HEXD: variants seen among roughly 807,000 people sequenced by gnomAD.
HEXD encodes hexosaminidase D.
A neutral mutation model predicts 54.2 loss-of-function variants in HEXD; 47 were observed. The ratio of observed to expected loss-of-function variants is 0.87; its 90% CI spans 0.69 to 1.11. The LOEUF is 1.11. Ranked by LOEUF, HEXD falls within the 50% of genes least tolerant of loss-of-function variation. The pLI, the probability that HEXD is intolerant of heterozygous loss-of-function variation, is 0.00. For missense variants in HEXD, 576 were observed against 649.2 expected, an observed-to-expected ratio of 0.89 and a Z score of 1.23; for synonymous variants, 293 against 287.6, an observed-to-expected ratio of 1.02 and a Z score of -0.19.
At chr17:82,441,745 CGCCCCACGGCT>C in intron 11 of HEXD, 44 bp from the exon 12 acceptor site, 1 of 1,356,210 alleles carries the variant, frequency 7.4e-7, no homozygotes, top group Non-Finnish European at 1.1e-6. Context: ...ACTGCAAAGC[CGCCCCACGGCT>C]GCCTTGGTAG....
At chr17:82,441,682 G>A in intron 11 of HEXD, 118 bp from the exon 12 acceptor site, 3 of 832,012 alleles carry the variant, frequency 3.6e-6, no homozygotes, top group East Asian at 2.4e-5. Flanking sequence ...AAGACTTTCT[G>A]GGGGACATAA....
rs780357570 is a variant in HEXD at position 82,441,897 on chromosome 17, C to T, written c.1253+8C>T. On this transcript the variant is annotated splice_region_variant and intron_variant, in intron 12 of 12. Transcript: ENST00000327949. ...CCAGCCCGCAGCGCTCAGGTGAGGCCCTGGGCTCTTATAGGCCGTGCAGCC... is the reference window on the plus strand; with the variant it reads ...CCAGCCCGCAGCGCTCAGGTGAGGCTCTGGGCTCTTATAGGCCGTGCAGCC... The T allele has an allele frequency of 6.2e-7, 1 of 1,612,422 alleles. No individual in the cohort carries two copies. Among genetic ancestry groups the T allele is most frequent in the Non-Finnish European group, 8.5e-7 (1 of 1,179,542 alleles).
intron 5 of HEXD, among the ~76,000 whole-genome samples, chr17:82,435,396 G>A (rs536094265): frequency 6.6e-6 from 1 of 152,214 alleles, no homozygotes. Flanking sequence ...TGTTCATGGT[G>A]GGGGATGCTG....
chr17:82,428,338 A>G (rs1253676705), intron 3 of HEXD, among the ~76,000 whole-genome samples: 1 of 152,116 alleles, frequency 6.6e-6, no homozygotes, highest in Non-Finnish European at 1.5e-5. Flanking sequence ...GTGGGTTGAA[A>G]AGCGAACCAT....
chr17:82,428,525 A>T, intron 3 of HEXD, 33 bp from the exon 4 acceptor site: 1 of 1,585,506 alleles, frequency 6.3e-7, no homozygotes, highest in Non-Finnish European at 8.7e-7. Context: ...TGCTGCTCAC[A>T]TGACCCTCTC....
At chr17:82,424,538 G>C (rs1436163742) in intron 3 of HEXD, 35 bp downstream of exon 3, 1 of 1,481,960 alleles carries the variant, frequency 6.7e-7, no homozygotes, top group South Asian at 1.1e-5. Flanking sequence ...GGGGCGCGGC[G>C]TGAAAGCGGG....
rs2054001748 is a variant in HEXD at position 82,442,111 on chromosome 17, T to C, written c.1254-66T>C. 1.3e-6 allele frequency: 2 copies of C among 1,546,294 alleles called. No homozygotes were observed. Among genetic ancestry groups the C allele is most frequent in the African/African-American group, 2.7e-5 (2 of 74,028 alleles). ...GGTGAACTGAGGCACAGGGCAGTAC[T>C]GACCATGGGGCTGAGGGCAAGTCCC... On this transcript the variant is annotated intron_variant, in intron 12 of 12. Transcript: ENST00000327949. The surrounding 1 kb of genome is among the most constrained non-coding windows in gnomAD (Gnocchi z 6.8).
Position 82,435,688 on chromosome 17 carries a change from G to A in HEXD, c.448-1G>A, listed in dbSNP as rs1267200447. On this transcript the variant is annotated splice_acceptor_variant, in intron 5 of 12. Coordinates refer to ENST00000327949, the MANE Select transcript of HEXD (RefSeq NM_001330542.2). LOFTEE classifies it high-confidence loss of function. ...AACCCCGTCCTGCTCCTTCCTTGCA[G>A]GTCTATTACCTCGGAGAGGGGGAGG... 18 of 1,610,710 alleles carry A rather than the reference G, an allele frequency of 1.1e-5. No homozygotes were observed. Among genetic ancestry groups the A allele is most frequent in the Non-Finnish European group, 1.5e-5 (18 of 1,178,182 alleles).
At chr17:82,438,574 G>A (rs192367637) in intron 8 of HEXD, among the ~76,000 whole-genome samples, 22 of 152,326 alleles carry the variant, frequency 1.4e-4, no homozygotes, top group African/African-American at 2.2e-4. Context: ...ACCCCTGGTC[G>A]CCGGCCAAGT....
chr17:82,435,556 A>C, intron 5 of HEXD, 133 bp from the exon 6 acceptor site: 1 of 805,336 alleles, frequency 1.2e-6, no homozygotes, highest in Non-Finnish European at 2.0e-6. Flanking sequence ...TGGTAAGCAA[A>C]GGCTCCGAGC....
intron 8 of HEXD, 181 bp from the exon 9 acceptor site, chr17:82,439,450 C>G: frequency 5.1e-6 from 5 of 985,412 alleles, no homozygotes; most frequent in Non-Finnish European, 6.0e-6. Flanking sequence ...GACATGAGAG[C>G]CCTGCCGCAC....
rs2143330102 is a variant in HEXD, at chr17:82,418,402, T to A, written c.-390T>A. The A allele has an allele frequency of 6.8e-7, 1 of 1,471,474 alleles. No individual in the cohort carries two copies. The highest frequency in any genetic ancestry group is 9.0e-7 in the Non-Finnish European group (1 of 1,115,486). 91.2% of individuals were successfully genotyped at this position (1,471,474 alleles called of 1,614,324 possible). ...GCCGCAGCGCGCGCCCTTCCCCTCC[T>A]CACCGCTACCTGCTCCGGTTCCGGC... On this transcript the variant is annotated 5_prime_UTR_variant, in exon 1 of 13. Transcript: ENST00000327949.
intron 9 of HEXD, 153 bp downstream of exon 9, chr17:82,439,866 A>G (rs1168669485): frequency 1.3e-6 from 2 of 1,538,878 alleles, no homozygotes; most frequent in East Asian, 4.9e-5. Flanking sequence ...TCAGCCACCC[A>G]CCTGCCCTGA....
intron 4 of HEXD, among the ~76,000 whole-genome samples, chr17:82,432,216 C>T (rs2053594423): frequency 6.6e-6 from 1 of 152,186 alleles, no homozygotes; most frequent in East Asian, 1.9e-4. Context: ...CTGGCCCTCA[C>T]AGGTCCCTGC....
intron 4 of HEXD, among the ~76,000 whole-genome samples, chr17:82,429,129 G>A (rs1484375296): frequency 6.6e-6 from 1 of 151,920 alleles, no homozygotes. Context: ...GCATGGTGGC[G>A]GGCACCTGTA....
At chr17:82,440,275 C>CCGAGACGCGCGGAGAG (rs1161805358) in intron 9 of HEXD, 1 of 1,284,808 alleles carries the variant, frequency 7.8e-7, no homozygotes, top group African/African-American at 1.5e-5. Context: ...AGAAAAATGG[C>CCGAGACGCGCGGAGAG]CGAGACGCGC....
chr17:82,418,391 C>T lies in HEXD; in HGVS notation c.-401C>T, dbSNP rs761598896. 1.4e-6 allele frequency: 2 copies of T among 1,468,084 alleles called. No individual in the cohort carries two copies. The highest frequency in any genetic ancestry group is 1.8e-6 in the Non-Finnish European group (2 of 1,111,826). 90.9% of individuals were successfully genotyped at this position (1,468,084 alleles called of 1,614,324 possible). The stretch of plus-strand genomic sequence containing the variant: ...CCCTGTCCGCCGCCGCAGCGCGCGC[C>T]CTTCCCCTCCTCACCGCTACCTGCT... On this transcript the variant is annotated 5_prime_UTR_variant, in exon 1 of 13. Coordinates refer to ENST00000327949, the MANE Select transcript of HEXD (RefSeq NM_001330542.2).
intron 2 of HEXD, among the ~76,000 whole-genome samples, chr17:82,422,298 A>C (rs2053258781): frequency 6.6e-6 from 1 of 152,232 alleles, no homozygotes; most frequent in South Asian, 2.1e-4. Context: ...AGATACTCAG[A>C]AGATGACGGA....
At chr17:82,437,899 C>G (rs771102855) in intron 8 of HEXD, among the ~76,000 whole-genome samples, 52 of 152,170 alleles carry the variant, frequency 3.4e-4, no homozygotes, top group Admixed American at 2.6e-4. Flanking sequence ...TACGTAAACA[C>G]TAAGCTGTGC....
Sources: gnomAD v4.1 joint callset for allele counts (sites outside exome capture counted in the v4.1 genomes callset) on GRCh38, gnomAD v4.1.1 for gene constraint, Gnocchi (gnomAD v3.1) non-coding constraint, MANE v1.5 for transcripts, NCBI Gene and HGNC (gene_info 2026-07-23, HGNC 2026-07-21) for gene names.